The following HTR1E variants were observed in gnomAD, a reference collection of about 807,000 sequenced individuals.
The protein encoded by HTR1E is 5-HT-1E.
In HTR1E, 3 loss-of-function variants were observed where a neutral mutation model predicts 3.4. That is an observed-to-expected ratio of 0.89 (90% CI 0.41 to 2.31). The LOEUF (loss-of-function observed/expected upper bound fraction) is 2.31, where lower values mean the gene tolerates loss of function less well. Among genes scored for constraint, HTR1E ranks in the 30% most tolerant of loss-of-function variants. The probability of loss-of-function intolerance (pLI) is 0.05; values close to 1 mark genes in which losing one functional copy is unlikely to be tolerated. For missense variants in HTR1E, 392 were observed against 467.0 expected, an observed-to-expected ratio of 0.84 and a Z score of 1.48; for synonymous variants, 170 against 182.8, an observed-to-expected ratio of 0.93 and a Z score of 0.56.
rs529312682 is a variant in HTR1E, at chr6:86,992,370, T to C, written c.-185-22780T>C. Among the ~76,000 whole-genome samples, 19 of 152,300 alleles carry C rather than the reference T, an allele frequency of 1.2e-4. No homozygotes were observed. The South Asian group carries it at 2.3e-3, about 18-fold the overall frequency. On this transcript the variant is annotated intron_variant, in intron 1 of 1. Transcript: ENST00000305344. ...CCAAGGAAGGCCTGGGCATAGCTTG[T>C]AATACATGTGGTATGGAGGTTATTA...
chr6:86,996,984 G>T (rs548319134), intron 1 of HTR1E, among the ~76,000 whole-genome samples: 2 of 151,856 alleles, frequency 1.3e-5, no homozygotes, highest in Non-Finnish European at 3.0e-5. Context: ...ATTATCAAAA[G>T]AATTCAGCAA....
intron 1 of HTR1E, among the ~76,000 whole-genome samples, chr6:86,988,598 G>A (rs1188497894): frequency 6.6e-6 from 1 of 152,098 alleles, no homozygotes. Flanking sequence ...CAGAAAGCAT[G>A]CCTACTCCTT....
intron 1 of HTR1E, among the ~76,000 whole-genome samples, chr6:86,949,193 G>A (rs930050016): frequency 1.3e-5 from 2 of 152,142 alleles, no homozygotes; most frequent in African/African-American, 2.4e-5. Flanking sequence ...TGTAACGAGG[G>A]AAGGTTATAT....
intron 1 of HTR1E, among the ~76,000 whole-genome samples, chr6:86,945,448 G>C (rs1213228554): frequency 1.3e-5 from 2 of 151,948 alleles, no homozygotes; most frequent in Non-Finnish European, 2.9e-5. Context: ...TCACCATATT[G>C]GCCATGCTGG....
intron 1 of HTR1E, among the ~76,000 whole-genome samples, chr6:86,996,467 T>A (rs1487321775): frequency 7.1e-6 from 1 of 140,726 alleles, no homozygotes; most frequent in South Asian, 2.4e-4. Context: ...ACAAACCTTA[T>A]AACTGACATA....
intron 1 of HTR1E, among the ~76,000 whole-genome samples, chr6:86,944,261 T>C (rs1768584613): frequency 6.6e-6 from 1 of 152,186 alleles, no homozygotes; most frequent in African/African-American, 2.4e-5. Flanking sequence ...GACAAGTCAC[T>C]AGTTTCAGCC....
At chr6:87,012,317 T>A (rs1176571783) in intron 1 of HTR1E, among the ~76,000 whole-genome samples, 1 of 152,148 alleles carries the variant, frequency 6.6e-6, no homozygotes, top group Admixed American at 6.5e-5. Context: ...TTGACACATG[T>A]TCTCACTTAT....
chr6:86,961,946 C>A (rs946214750), intron 1 of HTR1E, among the ~76,000 whole-genome samples: 1 of 152,062 alleles, frequency 6.6e-6, no homozygotes, highest in African/African-American at 2.4e-5. Flanking sequence ...TCCAGATTTT[C>A]TTAGCACTTA....
chr6:86,954,017 C>T (rs1767287591), intron 1 of HTR1E, among the ~76,000 whole-genome samples: 1 of 152,112 alleles, frequency 6.6e-6, no homozygotes, highest in Non-Finnish European at 1.5e-5. Flanking sequence ...CCAACAAAGC[C>T]CCTCCTCCAA....
intron 1 of HTR1E, among the ~76,000 whole-genome samples, chr6:86,965,717 T>G (rs16878048): frequency 0.16 from 24,205 of 152,014 alleles, 2,226 homozygotes; most frequent in East Asian, 0.29. Flanking sequence ...ATAGCAAATA[T>G]ATGGTCTTCC....
intron 1 of HTR1E, among the ~76,000 whole-genome samples, chr6:86,982,324 G>A (rs748357389): frequency 5.9e-5 from 9 of 152,052 alleles, no homozygotes; most frequent in Non-Finnish European, 1.3e-4. Context: ...ACCTTTACTG[G>A]GCTTTGAGAA....
chr6:87,011,339 T>C (rs926870495), intron 1 of HTR1E, among the ~76,000 whole-genome samples: 2 of 152,164 alleles, frequency 1.3e-5, no homozygotes, highest in Non-Finnish European at 2.9e-5. Context: ...AGTCAGTACT[T>C]AACACAGGTT....
Position 87,016,206 on chromosome 6 carries a change from G to C in HTR1E, c.872G>C (p.Arg291Pro). The change falls in exon 2 of 2, where the codon CGC becomes CCC. Residue 291 changes from arginine (R) to proline (P), a missense_variant. Arg to Pro is a moderately radical substitution (Grantham distance 103, BLOSUM62 -2). This residue lies in a region of HTR1E where 178 missense variants were observed against 164.9 expected (regional missense o/e 1.08). Coordinates refer to ENST00000305344, the MANE Select transcript of HTR1E (RefSeq NM_000865.3). ...ISSTRERKAA[R>P]ILGLILGAFI... ...AGCACCAGGGAACGGAAGGCAGCAC[G>C]CATCCTGGGGCTGATTCTGGGTGCA... 6.2e-7 allele frequency: 1 copy of C among 1,614,124 alleles called. No homozygotes were observed. Among genetic ancestry groups the C allele is most frequent in the Non-Finnish European group, 8.5e-7 (1 of 1,179,996 alleles).
chr6:86,957,924 C>T (rs1767348640), intron 1 of HTR1E, among the ~76,000 whole-genome samples: 1 of 152,172 alleles, frequency 6.6e-6, no homozygotes, highest in Non-Finnish European at 1.5e-5. Context: ...GGGGGCCTGT[C>T]ACCTTTAGTC....
chr6:87,010,253 A>G (rs1347731556), intron 1 of HTR1E, among the ~76,000 whole-genome samples: 5 of 100,528 alleles, frequency 5.0e-5, no homozygotes, highest in South Asian at 8.3e-4. Context: ...ACTTCTCAGT[A>G]GGGGCGGCCG....
In HTR1E at chr6:87,016,167, G is replaced by A. The variant is rs780865422; in HGVS notation, c.833G>A (p.Arg278His). ...FDNDLDHPGE[R>H]QQISSTRERK... is the part of the protein sequence containing the mutation. The stretch of plus-strand genomic sequence containing the variant: ...AATGATCTAGATCACCCAGGAGAAC[G>A]TCAGCAGATCTCTAGCACCAGGGAA... Residue 278 changes from arginine to histidine, a missense_variant, in exon 2 of 2, where the codon CGT becomes CAT. Coordinates refer to ENST00000305344, the MANE Select transcript of HTR1E (RefSeq NM_000865.3). The A allele has an allele frequency of 1.1e-5, 17 of 1,614,000 alleles. No homozygotes were observed. Among genetic ancestry groups the A allele is most frequent in the African/African-American group, 1.3e-5 (1 of 74,902 alleles).
chr6:87,016,500 C>A lies in HTR1E; in HGVS notation c.*68C>A, dbSNP rs903645805. 3.1e-6 allele frequency: 4 copies of A among 1,300,316 alleles called. No homozygotes were observed. The highest frequency in any genetic ancestry group is 4.3e-6 in the Non-Finnish European group (4 of 938,972). The allele number at this position is 1,300,316 out of a possible 1,614,324, so 80.5% of individuals were successfully genotyped here. On this transcript the variant is annotated 3_prime_UTR_variant, in exon 2 of 2. Transcript: ENST00000305344. ...GAGTGGATGGGGGTAAGGGGTGCAA[C>A]TTATTAATTCTTGAACATACTTGGT...
At chr6:86,965,259 C>A (rs1229512239) in intron 1 of HTR1E, among the ~76,000 whole-genome samples, 3 of 152,152 alleles carry the variant, frequency 2.0e-5, no homozygotes, top group African/African-American at 7.2e-5. Context: ...ACCGTCTCTG[C>A]AGGAGTGTTC....
intron 1 of HTR1E, among the ~76,000 whole-genome samples, chr6:86,997,971 T>C (rs1000392237): frequency 2.0e-5 from 3 of 151,820 alleles, no homozygotes; most frequent in African/African-American, 7.2e-5. Flanking sequence ...AAACTAAACA[T>C]CAGAACAGAG....
Sources: allele counts gnomAD v4.1 joint callset (sites outside exome capture counted in the v4.1 genomes callset), GRCh38; gene constraint gnomAD v4.1.1; regional missense constraint gnomAD v4.1.1; transcripts MANE v1.5; gene names NCBI Gene and HGNC (gene_info 2026-07-23, HGNC 2026-07-21).